Variants in NF1 observed in about 807,000 individuals in gnomAD.
NF1 encodes the protein neurofibromin.
NF1 carries 122 observed loss-of-function variants against 325.7 expected under a neutral mutation model. The ratio of observed to expected loss-of-function variants is 0.37; its 90% CI spans 0.32 to 0.44. The LOEUF is 0.44. Ranked by LOEUF, NF1 falls within the 20% of genes least tolerant of loss-of-function variation. The pLI, the probability that NF1 is intolerant of heterozygous loss-of-function variation, is 1.00. For synonymous variants in NF1, 1,091 were observed against 1,186.0 expected, an observed-to-expected ratio of 0.92 and a Z score of 1.65; for missense variants, 2,140 against 3,415.4, an observed-to-expected ratio of 0.63 and a Z score of 9.31.
chr17:31,368,654 T>G (rs143263576), intron 57 of NF1, among the ~76,000 whole-genome samples: 2 of 152,330 alleles, frequency 1.3e-5, no homozygotes, highest in East Asian at 3.9e-4. Context: ...GTTCTAAAAC[T>G]CCTTTGTATC....
At chr17:31,162,715 A>C (rs1456973919) in intron 3 of NF1, among the ~76,000 whole-genome samples, 2 of 152,232 alleles carry the variant, frequency 1.3e-5, no homozygotes, top group African/African-American at 2.4e-5. Context: ...AACCAAAATA[A>C]AATTACTTTG....
intron 29 of NF1, among the ~76,000 whole-genome samples, chr17:31,247,536 T>C (rs1935644907): frequency 6.6e-6 from 1 of 152,140 alleles, no homozygotes; most frequent in African/African-American, 2.4e-5. Flanking sequence ...AAACATGAGC[T>C]ACCTCATGTT....
chr17:31,238,412 G>A (rs2067239510), intron 29 of NF1, among the ~76,000 whole-genome samples: 1 of 152,088 alleles, frequency 6.6e-6, no homozygotes, highest in South Asian at 2.1e-4. Flanking sequence ...GCCCCCTCTA[G>A]CGTTTCTGTA....
At chr17:31,132,359 T>C (rs945521838) in intron 1 of NF1, among the ~76,000 whole-genome samples, 5 of 152,028 alleles carry the variant, frequency 3.3e-5, no homozygotes, top group African/African-American at 1.2e-4. Flanking sequence ...CTGACCAACA[T>C]AGTGACACCG....
At chr17:31,296,017 A>C in intron 36 of NF1, 1 of 1,614,188 alleles carries the variant, frequency 6.2e-7, no homozygotes, top group East Asian at 2.2e-5. Flanking sequence ...TGTTAGCAGC[A>C]GACATGTTCC....
At chr17:31,293,641 G>T (rs757288218) in intron 36 of NF1, among the ~76,000 whole-genome samples, 5 of 152,140 alleles carry the variant, frequency 3.3e-5, no homozygotes, top group Non-Finnish European at 7.4e-5. Flanking sequence ...CAGCAAAGGA[G>T]GCTATCTGAA....
intron 36 of NF1, among the ~76,000 whole-genome samples, chr17:31,310,114 G>A (rs569813978): frequency 6.6e-6 from 1 of 152,258 alleles, no homozygotes; most frequent in African/African-American, 2.4e-5. Flanking sequence ...AGGTTATTTA[G>A]CATACACATT....
At chr17:31,340,347 T>C (rs1421809541) in intron 46 of NF1, 158 bp from the exon 47 acceptor site, 8 of 848,546 alleles carry the variant, frequency 9.4e-6, no homozygotes, top group South Asian at 6.6e-5. Flanking sequence ...GTTATACATA[T>C]GGAAAAGTGA....
chr17:31,099,921 G>A (rs1300796124), intron 1 of NF1, among the ~76,000 whole-genome samples: 2 of 150,144 alleles, frequency 1.3e-5, no homozygotes, highest in Non-Finnish European at 3.0e-5. Context: ...AACCTTCTGT[G>A]TATCTCCCCT....
chr17:31,185,420 G>C (rs2066221267), intron 8 of NF1, among the ~76,000 whole-genome samples: 1 of 152,212 alleles, frequency 6.6e-6, no homozygotes, highest in African/African-American at 2.4e-5. Context: ...ATTGGATTCT[G>C]TGAGCAAGAA....
chr17:31,263,588 T>C (rs999774557), intron 35 of NF1, among the ~76,000 whole-genome samples: 3 of 151,376 alleles, frequency 2.0e-5, no homozygotes, highest in Non-Finnish European at 4.4e-5. Context: ...TTTTTATTAT[T>C]CCTTTTTTCT....
chr17:31,275,924 A>G (rs1263496562), intron 36 of NF1, among the ~76,000 whole-genome samples: 1 of 152,120 alleles, frequency 6.6e-6, no homozygotes, highest in African/African-American at 2.4e-5. Flanking sequence ...AGGGCCAGTT[A>G]TAAAGAATAG....
At chr17:31,128,048 C>T (rs1915033256) in intron 1 of NF1, among the ~76,000 whole-genome samples, 1 of 151,832 alleles carries the variant, frequency 6.6e-6, no homozygotes, top group East Asian at 1.9e-4. Flanking sequence ...CTCAAGCCAT[C>T]ATCCCACCTC....
chr17:31,204,588 T>C (rs1043460756), intron 11 of NF1, among the ~76,000 whole-genome samples: 2 of 151,908 alleles, frequency 1.3e-5, no homozygotes, highest in Admixed American at 6.6e-5. Flanking sequence ...GAATATATTA[T>C]GAAAAATGAA....
At chr17:31,130,569 G>A (rs1915286288) in intron 1 of NF1, among the ~76,000 whole-genome samples, 4 of 151,490 alleles carry the variant, frequency 2.6e-5, no homozygotes, top group Admixed American at 2.0e-4. Context: ...GCTGGCTTCA[G>A]TGGCCGGTAA....
intron 1 of NF1, among the ~76,000 whole-genome samples, chr17:31,116,989 A>T (rs905858032): frequency 2.9e-5 from 4 of 139,748 alleles, no homozygotes; most frequent in Non-Finnish European, 6.2e-5. Context: ...TTTTATTTTT[A>T]TTATTATTTT....
At chr17:31,308,610 G>T (rs940384722) in intron 36 of NF1, among the ~76,000 whole-genome samples, 4 of 149,996 alleles carry the variant, frequency 2.7e-5, no homozygotes, top group African/African-American at 9.7e-5. Context: ...CTTCTATGCT[G>T]TTTTTTACCC....
intron 36 of NF1, among the ~76,000 whole-genome samples, chr17:31,302,454 A>G (rs961082319): frequency 2.0e-5 from 3 of 152,224 alleles, no homozygotes; most frequent in South Asian, 2.1e-4. Flanking sequence ...GTATAAAAAC[A>G]TATCTTATTT....
rs760531845 is a variant in NF1, at chr17:31,357,014, T to C, written c.7793T>C (p.Val2598Ala). 5.6e-6 allele frequency: 9 copies of C among 1,613,982 alleles called. No homozygotes were observed. The highest frequency in any genetic ancestry group is 1.6e-4 in the Middle Eastern group (1 of 6,062). Residue 2598 changes from valine (V) to alanine (A), a missense_variant, in exon 53 of 58, where the codon GTG (valine) becomes GCG (alanine). Physicochemically the swap from Val to Ala is moderately conservative, Grantham distance 64 (BLOSUM62 0). Coordinates refer to ENST00000358273, the MANE Select transcript of NF1 (RefSeq NM_001042492.3). ...CACCCACATTTACGTAAAGTTTCAG[T>C]GTCTGAATCAAATGTTCTCTTGGAT... ...QQHPHLRKVS[V>A]SESNVLLDEE...
Sources: allele counts gnomAD v4.1 joint callset (sites outside exome capture counted in the v4.1 genomes callset), GRCh38; gene constraint gnomAD v4.1.1; transcripts MANE v1.5; gene names NCBI Gene and HGNC (gene_info 2026-07-23, HGNC 2026-07-21).